The following TANGO6 variants were observed in gnomAD, a reference collection of about 807,000 sequenced individuals.
TANGO6 encodes transport and golgi organization 6 homolog, also known as transport and Golgi organization protein 6 homolog.
TANGO6 carries 90 observed loss-of-function variants against 114.2 expected under a neutral mutation model. The ratio of observed to expected loss-of-function variants is 0.79; its 90% CI spans 0.66 to 0.94. The LOEUF is 0.94. TANGO6 is among the 40% of genes least tolerant of loss of function. TANGO6 has a pLI of 0.00. For missense variants in TANGO6, 1,274 were observed against 1,315.3 expected, an observed-to-expected ratio of 0.97 and a Z score of 0.49; for synonymous variants, 477 against 509.8, an observed-to-expected ratio of 0.94 and a Z score of 0.87.
rs1197472552 is a variant in TANGO6 at position 69,085,181 on chromosome 16, A to T, written c.*1520A>T. On this transcript the variant is annotated 3_prime_UTR_variant, in exon 18 of 18. Coordinates refer to ENST00000261778, the MANE Select transcript of TANGO6 (RefSeq NM_024562.2). ...AATGCTTGTTTCTTGGCCTTCCTTT[A>T]ACTAGACTCCACGCAACCCACTTCA... 6.6e-6 allele frequency: 1 copy of T among 152,334 alleles called. No homozygotes were observed. The highest frequency in any genetic ancestry group is 2.4e-5 in the African/African-American group (1 of 41,452). 9.4% of individuals were successfully genotyped at this position (152,334 alleles called of 1,614,324 possible). A position where few individuals can be genotyped will look rare whatever the true frequency, so the allele number is the denominator to read the frequency against.
chr16:69,062,521 G>C (rs1417305947), intron 17 of TANGO6, among the ~76,000 whole-genome samples: 1 of 151,904 alleles, frequency 6.6e-6, no homozygotes, highest in Non-Finnish European at 1.5e-5. Context: ...CACCCAGGCT[G>C]GAGTGCAGTG....
In TANGO6 at chr16:69,040,319, C is replaced by A. The variant is rs1399243281; in HGVS notation, c.3006C>A (p.Cys1002Ter). The change falls in exon 17 of 18, where the codon TGC (cysteine) becomes TGA (stop). Residue 1002 changes from cysteine (C) to a stop codon, truncating the protein, a stop_gained. Coordinates refer to ENST00000261778, the MANE Select transcript of TANGO6 (RefSeq NM_024562.2). LOFTEE classifies it high-confidence loss of function. ...CTTCATCCTCCTAGGTAACAGCTTG[C>A]CTGATTGCTGTGGCCAAAACAGATG... Reference protein sequence around the residue: ...LGSVVHEVTACLIAVAKTDGE... With the variant: ...LGSVVHEVTA 1 of 1,605,208 alleles carries A rather than the reference C, an allele frequency of 6.2e-7. No individual in the cohort carries two copies. The highest frequency in any genetic ancestry group is 8.5e-7 in the Non-Finnish European group (1 of 1,176,012).
chr16:69,063,669 A>C (rs1960165198), intron 17 of TANGO6, among the ~76,000 whole-genome samples: 1 of 148,910 alleles, frequency 6.7e-6, no homozygotes, highest in Non-Finnish European at 1.5e-5. Context: ...AAAAAAAAAA[A>C]ACAAAGTTCT....
intron 17 of TANGO6, among the ~76,000 whole-genome samples, chr16:69,041,995 C>G (rs1489674714): frequency 1.3e-5 from 2 of 152,154 alleles, no homozygotes; most frequent in Non-Finnish European, 2.9e-5. Context: ...AAGGACAGCC[C>G]TAGGTGCTTT....
chr16:68,926,873 T>G (rs935971574), intron 12 of TANGO6: 13 of 152,358 alleles, frequency 8.5e-5, no homozygotes, highest in African/African-American at 3.1e-4. Flanking sequence ...CACATACACC[T>G]TTTGGGTGGC....
rs1449630142 is a variant in TANGO6, at chr16:68,860,440, C to T, written c.651C>T (p.Cys217=). ...CATCTCTGGGGAGCTTGATCTTCTGCCACCACTTTGGGGATATCGCAGCAG... is the reference window on the plus strand; with the variant it reads ...CATCTCTGGGGAGCTTGATCTTCTGTCACCACTTTGGGGATATCGCAGCAG... ...QHTSLGSLIF[C]HHFGDIAAGL... The change falls in exon 2 of 18, where the codon TGC becomes TGT. Residue 217 remains cysteine (C), a synonymous_variant. Coordinates refer to ENST00000261778, the MANE Select transcript of TANGO6 (RefSeq NM_024562.2). The T allele has an allele frequency of 6.2e-7, 1 of 1,614,008 alleles. No homozygotes were observed. Among genetic ancestry groups the T allele is most frequent in the Non-Finnish European group, 8.5e-7 (1 of 1,179,900 alleles).
intron 15 of TANGO6, among the ~76,000 whole-genome samples, chr16:69,020,904 A>ATG (rs34350425): frequency 0.084 from 7,357 of 87,188 alleles, 207 homozygotes; most frequent in East Asian, 0.16. Flanking sequence ...ATATGTATGT[A>ATG]TGTGTGTGTG....
intron 1 of TANGO6, among the ~76,000 whole-genome samples, chr16:68,848,070 T>C (rs1232665691): frequency 6.6e-6 from 1 of 151,936 alleles, no homozygotes; most frequent in Non-Finnish European, 1.5e-5. Flanking sequence ...AAGGATGTTA[T>C]TGTTTCTCTC....
chr16:68,897,780 G>A (rs1962725424), intron 7 of TANGO6, among the ~76,000 whole-genome samples: 1 of 152,012 alleles, frequency 6.6e-6, no homozygotes, highest in Non-Finnish European at 1.5e-5. Flanking sequence ...GTTTCACCAT[G>A]TTGGTCAGGC....
At chr16:69,078,096 A>G (rs1257751825) in intron 17 of TANGO6, among the ~76,000 whole-genome samples, 1 of 152,122 alleles carries the variant, frequency 6.6e-6, no homozygotes, top group Non-Finnish European at 1.5e-5. Context: ...TAAGAGTCCT[A>G]GGAAGAGGAA....
chr16:68,848,018 A>T (rs1961842227), intron 1 of TANGO6, among the ~76,000 whole-genome samples: 1 of 151,596 alleles, frequency 6.6e-6, no homozygotes, highest in African/African-American at 2.4e-5. Context: ...AAAAAAAAAA[A>T]ACTATTGCAA....
At chr16:68,914,894 A>C (rs12919762) in intron 11 of TANGO6, among the ~76,000 whole-genome samples, 1 of 150,692 alleles carries the variant, frequency 6.6e-6, no homozygotes, top group Non-Finnish European at 1.5e-5. Flanking sequence ...TTTTTTTTAA[A>C]CATACATACA....
At chr16:68,987,113 C>A (rs1364608428) in intron 15 of TANGO6, among the ~76,000 whole-genome samples, 2 of 151,576 alleles carry the variant, frequency 1.3e-5, no homozygotes, top group African/African-American at 4.9e-5. Flanking sequence ...CAATTGACAT[C>A]ATTTATTCAA....
At chr16:68,967,519 T>G (rs1205993454) in intron 14 of TANGO6, among the ~76,000 whole-genome samples, 1 of 152,178 alleles carries the variant, frequency 6.6e-6, no homozygotes, top group East Asian at 1.9e-4. Context: ...GAAAGAAATT[T>G]CGTAACTATT....
intron 16 of TANGO6, among the ~76,000 whole-genome samples, chr16:69,032,799 C>A (rs890245329): frequency 6.6e-6 from 1 of 151,318 alleles, no homozygotes; most frequent in African/African-American, 2.4e-5. Context: ...ACTGCTTGAA[C>A]CCGGAGGCTG....
Position 69,083,727 on chromosome 16 carries a change from C to T in TANGO6, c.*66C>T. The T allele has an allele frequency of 6.7e-7, 1 of 1,497,212 alleles. No homozygotes were observed. The allele number at this position is 1,497,212 out of a possible 1,614,324, so 92.7% of individuals were successfully genotyped here. On this transcript the variant is annotated 3_prime_UTR_variant, in exon 18 of 18. Transcript: ENST00000261778. ...CACCCAGAGCCGTGCCCAGGTCTTC[C>T]AGCAGGTGGCCCTGCTGCCTCTTGA...
Position 68,952,162 on chromosome 16 carries a change from T to C in TANGO6, c.2702-21866T>C, listed in dbSNP as rs914159679. Among the ~76,000 whole-genome samples the C allele has an allele frequency of 5.3e-5, 8 of 152,306 alleles. No homozygotes were observed. In the South Asian group the frequency reaches 1.4e-3, roughly 28 times the overall value. ...AAGCTATTAAGGAGGTCTAAGTACC[T>C]TCCCTGCAGAACAGCGATTTAAATT... On this transcript the variant is annotated intron_variant, in intron 14 of 17. Coordinates refer to ENST00000261778, the MANE Select transcript of TANGO6 (RefSeq NM_024562.2).
At chr16:68,880,447 C>A in intron 6 of TANGO6, 101 bp from the exon 7 acceptor site, 1 of 708,848 alleles carries the variant, frequency 1.4e-6, no homozygotes, top group South Asian at 2.4e-5. Flanking sequence ...TTAGGTGTTA[C>A]TTACTGAGCC....
At chr16:69,051,385 A>C (rs1038101876) in intron 17 of TANGO6, among the ~76,000 whole-genome samples, 2 of 152,090 alleles carry the variant, frequency 1.3e-5, no homozygotes, top group Non-Finnish European at 2.9e-5. Flanking sequence ...CTCTACTAAA[A>C]ATACAAAAGG....
Sources: allele counts gnomAD v4.1 joint callset (sites outside exome capture counted in the v4.1 genomes callset), GRCh38; gene constraint gnomAD v4.1.1; transcripts MANE v1.5; gene names NCBI Gene and HGNC (gene_info 2026-07-23, HGNC 2026-07-21).